MALRD1: variants seen among roughly 807,000 people sequenced by gnomAD.
MALRD1 encodes MAM and LDL-receptor class A domain-containing protein 1.
In MALRD1, 247 loss-of-function variants were observed where a neutral mutation model predicts 242.1. The observed-to-expected ratio is 1.02, with a 90% CI of 0.92 to 1.13. The LOEUF (loss-of-function observed/expected upper bound fraction) is 1.13. Among genes scored for constraint, MALRD1 ranks in the 50% most tolerant of loss-of-function variants. The probability of loss-of-function intolerance (pLI) is 0.00; values close to 1 mark genes in which losing one functional copy is unlikely to be tolerated. For synonymous variants in MALRD1, 995 were observed against 866.6 expected (o/e 1.15, Z -2.60); for missense variants, 2,989 against 2,533.1 (o/e 1.18, Z -3.86).
chr10:19,467,392 CAAA>C (rs71387079), intron 29 of MALRD1, among the ~76,000 whole-genome samples: 3 of 53,762 alleles, frequency 5.6e-5, no homozygotes, highest in Non-Finnish European at 9.8e-5. Flanking sequence ...GACTCCGTCT[CAAA>C]AAAAAAAAAA....
intron 2 of MALRD1, among the ~76,000 whole-genome samples, chr10:19,072,476 C>T (rs987151762): frequency 6.6e-6 from 1 of 151,490 alleles, no homozygotes; most frequent in African/African-American, 2.4e-5. Flanking sequence ...AGGTAAAAAC[C>T]CTTCTTAACT....
chr10:19,499,246 A>C (rs1288471984), intron 31 of MALRD1, among the ~76,000 whole-genome samples: 1 of 152,190 alleles, frequency 6.6e-6, no homozygotes, highest in African/African-American at 2.4e-5. Context: ...CTTACAAAAA[A>C]GTCCTACTGA....
intron 36 of MALRD1, among the ~76,000 whole-genome samples, chr10:19,655,530 G>C (rs556967918): frequency 3.3e-4 from 36 of 108,832 alleles, no homozygotes; most frequent in African/African-American, 1.0e-3. Flanking sequence ...ATGTGTGAGT[G>C]TATATATATA....
chr10:19,400,296 T>C (rs962666427), intron 28 of MALRD1, among the ~76,000 whole-genome samples: 13 of 152,180 alleles, frequency 8.5e-5, no homozygotes, highest in Admixed American at 2.6e-4. Context: ...GTTTATAACT[T>C]CATGTGCTAC....
intron 21 of MALRD1, among the ~76,000 whole-genome samples, chr10:19,316,892 T>C (rs1412942084): frequency 1.3e-5 from 2 of 151,732 alleles, no homozygotes; most frequent in Non-Finnish European, 2.9e-5. Context: ...AATTTAATTG[T>C]GCACCTTAAA....
intron 28 of MALRD1, among the ~76,000 whole-genome samples, chr10:19,432,650 G>A (rs1416022821): frequency 1.3e-5 from 2 of 152,184 alleles, no homozygotes; most frequent in African/African-American, 4.8e-5. Flanking sequence ...GAACAAATAT[G>A]ATTTTGATAA....
At chr10:19,664,780 T>C (rs1002693244) in intron 36 of MALRD1, among the ~76,000 whole-genome samples, 1 of 152,006 alleles carries the variant, frequency 6.6e-6, no homozygotes, top group Non-Finnish European at 1.5e-5. Flanking sequence ...AATTAATATG[T>C]TTGTGTATCT....
At position 19,182,516 on chromosome 10, in the gene MALRD1, G is replaced by A. The variant is rs368051739; in HGVS notation, c.1951+7188G>A. On this transcript the variant is annotated intron_variant, in intron 14 of 39. Transcript: ENST00000454679. The stretch of plus-strand genomic sequence containing the variant: ...ATTTTTTTTTTGTATTTTTTTAGTA[G>A]AGACGGGGTTTCACCGTGTTAGCCA... Among the ~76,000 whole-genome samples, 398 of 151,298 alleles carry A rather than the reference G, an allele frequency of 2.6e-3. 1 individual carries two copies. Among genetic ancestry groups the A allele is most frequent in the Admixed American group, 4.4e-3 (67 of 15,174 alleles).
chr10:19,561,291 G>C (rs1368536316), intron 32 of MALRD1, among the ~76,000 whole-genome samples: 2 of 152,128 alleles, frequency 1.3e-5, no homozygotes, highest in African/African-American at 4.8e-5. Flanking sequence ...AGAAGAGTGT[G>C]TATTCTGCTG....
chr10:19,617,443 A>G (rs1839209694), intron 36 of MALRD1, among the ~76,000 whole-genome samples: 1 of 152,062 alleles, frequency 6.6e-6, no homozygotes, highest in African/African-American at 2.4e-5. Context: ...ATCAATGCAA[A>G]CAAATGTTGG....
chr10:19,358,435 CTCAG>C lies in MALRD1; in HGVS notation c.4441+6143_4441+6146del, dbSNP rs1484484979. Among the ~76,000 whole-genome samples the C allele has an allele frequency of 8.5e-5, 13 of 152,270 alleles. 1 individual carries two copies. The South Asian group carries it at 2.5e-3, about 29-fold the overall frequency. On this transcript the variant is annotated intron_variant, in intron 26 of 39. Transcript: ENST00000454679. ...AGTGATGAGAATGCTGGTGTAGCAA[CTCAG>C]TCAGAGTCCTGAAATAGGAATATCT...
At chr10:19,114,837 G>C (rs890627928) in intron 5 of MALRD1, among the ~76,000 whole-genome samples, 3 of 152,126 alleles carry the variant, frequency 2.0e-5, no homozygotes, top group African/African-American at 7.2e-5. Context: ...GATTGATTGA[G>C]TTTTGTGTCC....
At chr10:19,365,112 CACAT>C (rs1044821011) in intron 26 of MALRD1, among the ~76,000 whole-genome samples, 2 of 151,828 alleles carry the variant, frequency 1.3e-5, no homozygotes, top group African/African-American at 4.8e-5. Flanking sequence ...AAAATGAAAA[CACAT>C]ACATGTTTTC....
At chr10:19,361,198 G>A (rs1175454528) in intron 26 of MALRD1, among the ~76,000 whole-genome samples, 2 of 152,114 alleles carry the variant, frequency 1.3e-5, no homozygotes, top group Admixed American at 6.6e-5. Context: ...AATATATTTT[G>A]CCAATGGAAT....
At chr10:19,520,010 C>T (rs1361756967) in intron 31 of MALRD1, among the ~76,000 whole-genome samples, 1 of 152,114 alleles carries the variant, frequency 6.6e-6, no homozygotes, top group Non-Finnish European at 1.5e-5. Context: ...TGATGTGACC[C>T]TTTGTAGCTA....
chr10:19,430,923 T>C (rs1354762480), intron 28 of MALRD1, among the ~76,000 whole-genome samples: 1 of 152,226 alleles, frequency 6.6e-6, no homozygotes, highest in Non-Finnish European at 1.5e-5. Flanking sequence ...TGATGCGCCA[T>C]ATATGAGTTG....
chr10:19,667,107 C>A (rs1841711333), intron 36 of MALRD1, among the ~76,000 whole-genome samples: 1 of 152,072 alleles, frequency 6.6e-6, no homozygotes, highest in African/African-American at 2.4e-5. Flanking sequence ...AAGGCCCCAC[C>A]CCCAGCACTG....
At chr10:19,434,114 T>C (rs1197377961) in intron 28 of MALRD1, among the ~76,000 whole-genome samples, 3 of 152,178 alleles carry the variant, frequency 2.0e-5, no homozygotes. Flanking sequence ...AAATTCCTCC[T>C]TCACCTTTGA....
intron 32 of MALRD1, among the ~76,000 whole-genome samples, chr10:19,551,973 G>A (rs1036977105): frequency 6.6e-6 from 1 of 152,088 alleles, no homozygotes; most frequent in Non-Finnish European, 1.5e-5. Flanking sequence ...TTTTTGATGT[G>A]CTGCTAGATT....
Sources: allele counts gnomAD v4.1 joint callset (sites outside exome capture counted in the v4.1 genomes callset), GRCh38; gene constraint gnomAD v4.1.1; transcripts MANE v1.5; gene names NCBI Gene and HGNC (gene_info 2026-07-23, HGNC 2026-07-21).